The following NELL2 variants were observed in gnomAD, a reference collection of about 807,000 sequenced individuals.
NELL2 encodes the protein protein kinase C-binding protein NELL2.
In NELL2, 41 loss-of-function variants were observed where a neutral mutation model predicts 109.6. The ratio of observed to expected loss-of-function variants is 0.37; its 90% CI spans 0.29 to 0.49. The LOEUF is 0.49. NELL2 is among the 20% of genes least tolerant of loss of function. NELL2 has a pLI of 0.98. For synonymous variants in NELL2, 355 were observed against 344.7 expected (o/e 1.03, Z -0.33); for missense variants, 900 against 1,008.3 (o/e 0.89, Z 1.45).
At chr12:44,750,429 T>C (rs1940600809) in intron 9 of NELL2, among the ~76,000 whole-genome samples, 2 of 152,298 alleles carry the variant, frequency 1.3e-5, no homozygotes, top group African/African-American at 4.8e-5. Flanking sequence ...AGAAGTTTTA[T>C]GGGCTTTATA....
At chr12:44,648,655 G>GT (rs1947180841) in intron 13 of NELL2, among the ~76,000 whole-genome samples, 1 of 146,652 alleles carries the variant, frequency 6.8e-6, no homozygotes. Context: ...ATATTTTCAG[G>GT]TAAAAAAAAT....
intron 14 of NELL2, 148 bp downstream of exon 14, chr12:44,610,700 G>C (rs1262394364): frequency 1.9e-5 from 20 of 1,059,170 alleles, no homozygotes; most frequent in Non-Finnish European, 2.7e-5. Flanking sequence ...CAAGACCTGA[G>C]GGAAAGACTA....
intron 15 of NELL2, among the ~76,000 whole-genome samples, chr12:44,547,219 C>T (rs1207153276): frequency 1.3e-5 from 2 of 152,118 alleles, no homozygotes; most frequent in African/African-American, 4.8e-5. Flanking sequence ...GTGCTTTAGT[C>T]AACAACATGA....
At chr12:44,544,434 C>T (rs1479126587) in intron 15 of NELL2, among the ~76,000 whole-genome samples, 2 of 152,018 alleles carry the variant, frequency 1.3e-5, no homozygotes, top group Non-Finnish European at 2.9e-5. Flanking sequence ...AACTTATGTC[C>T]TGTATATCTG....
chr12:44,689,249 T>A (rs956670825), intron 12 of NELL2, among the ~76,000 whole-genome samples: 8 of 152,212 alleles, frequency 5.3e-5, no homozygotes, highest in Admixed American at 4.6e-4. Flanking sequence ...TCTATGTCCC[T>A]ATTGTCCCTT....
intron 15 of NELL2, among the ~76,000 whole-genome samples, chr12:44,544,113 T>C (rs988083514): frequency 4.5e-4 from 68 of 152,164 alleles, no homozygotes; most frequent in African/African-American, 1.6e-3. Context: ...AAAAAAACCA[T>C]TGTAGTTGAT....
At chr12:44,913,771 A>C in intron 1 of NELL2, 1 of 814,456 alleles carries the variant, frequency 1.2e-6, no homozygotes, top group South Asian at 1.7e-5. Context: ...GAGTTACCTT[A>C]AAATTAAAAT....
chr12:44,569,512 C>T (rs567799888), intron 15 of NELL2, among the ~76,000 whole-genome samples: 173 of 152,130 alleles, frequency 1.1e-3, no homozygotes, highest in African/African-American at 3.9e-3. Flanking sequence ...AATGTATAAA[C>T]GATGAACTAT....
intron 2 of NELL2, among the ~76,000 whole-genome samples, chr12:44,872,760 G>C (rs939552789): frequency 5.9e-5 from 9 of 152,160 alleles, no homozygotes; most frequent in Admixed American, 1.3e-4. Flanking sequence ...TGAAACCTGA[G>C]AGCATCTCAC....
intron 2 of NELL2, among the ~76,000 whole-genome samples, chr12:44,837,418 G>T (rs1165413028): frequency 1.2e-4 from 18 of 152,124 alleles, no homozygotes; most frequent in Non-Finnish European, 7.3e-5. Flanking sequence ...GGACAAAACT[G>T]CCGGCAGGTT....
upstream of NELL2, among the ~76,000 whole-genome samples, chr12:44,916,146 A>T (rs992729775): frequency 6.6e-6 from 1 of 152,246 alleles, no homozygotes; most frequent in Non-Finnish European, 1.5e-5. Flanking sequence ...GTATTAAAGG[A>T]TGCTGACACA....
At chr12:44,683,333 G>C (rs1484171855) in intron 12 of NELL2, among the ~76,000 whole-genome samples, 1 of 142,118 alleles carries the variant, frequency 7.0e-6, no homozygotes, top group Non-Finnish European at 1.5e-5. Flanking sequence ...AGACAATGGG[G>C]TTTTCTAGAT....
At chr12:44,713,275 C>T (rs1429462461) in intron 10 of NELL2, among the ~76,000 whole-genome samples, 1 of 150,342 alleles carries the variant, frequency 6.7e-6, no homozygotes, top group Non-Finnish European at 1.5e-5. Flanking sequence ...AGTAGAGAAA[C>T]TTTAAATGCT....
At chr12:44,562,189 G>A (rs1296346267) in intron 15 of NELL2, among the ~76,000 whole-genome samples, 11 of 152,142 alleles carry the variant, frequency 7.2e-5, no homozygotes, top group African/African-American at 1.2e-4. Context: ...AGACTTAAAT[G>A]TAAGACCTAA....
chr12:44,783,406 T>A (rs566537459), intron 3 of NELL2, among the ~76,000 whole-genome samples: 5 of 151,306 alleles, frequency 3.3e-5, no homozygotes, highest in Non-Finnish European at 7.4e-5. Context: ...TTTAAAAAAA[T>A]TGAAAAAAAT....
At chr12:44,523,767 T>A (rs1941644319) in intron 16 of NELL2, 1 of 375,342 alleles carries the variant, frequency 2.7e-6, no homozygotes, top group Non-Finnish European at 4.8e-6. Context: ...AACATTTTTA[T>A]TTTTGAGAGT....
intron 9 of NELL2, 90 bp from the exon 10 acceptor site, chr12:44,714,831 T>C (rs1357259754): frequency 2.8e-6 from 2 of 713,308 alleles, no homozygotes; most frequent in African/African-American, 3.7e-5. Flanking sequence ...TTCCACATGT[T>C]ATACACCTTT....
chr12:44,829,939 A>T (rs1473108470), intron 2 of NELL2, among the ~76,000 whole-genome samples: 1 of 152,144 alleles, frequency 6.6e-6, no homozygotes, highest in African/African-American at 2.4e-5. Flanking sequence ...TTTCTTTGAG[A>T]TCTGATCAAA....
chr12:44,649,557 G>T (rs982833908), intron 13 of NELL2, among the ~76,000 whole-genome samples: 1 of 152,144 alleles, frequency 6.6e-6, no homozygotes, highest in Non-Finnish European at 1.5e-5. Context: ...AGTGGCAGGG[G>T]TGATACATAC....
Sources: gnomAD v4.1 joint callset for allele counts (sites outside exome capture counted in the v4.1 genomes callset) on GRCh38, gnomAD v4.1.1 for gene constraint, MANE v1.5 for transcripts, NCBI Gene and HGNC (gene_info 2026-07-23, HGNC 2026-07-21) for gene names.